Variants in S100A8 observed in about 807,000 individuals in gnomAD.
S100A8 encodes the protein S100 calcium binding protein A8.
S100A8 carries 1 observed loss-of-function variant against 4.2 expected under a neutral mutation model. The observed-to-expected ratio is 0.24, with a 90% CI of 0.08 to 1.12. S100A8 has a LOEUF of 1.12. Among genes scored for constraint, S100A8 ranks in the 50% most tolerant of loss-of-function variants. The pLI is 0.53. For synonymous variants in S100A8, 41 were observed against 44.7 expected, an observed-to-expected ratio of 0.92 and a Z score of 0.33; for missense variants, 96 against 111.8, an observed-to-expected ratio of 0.86 and a Z score of 0.64.
chr1:153,406,539 C>T, the S100A8 span, among the ~76,000 whole-genome samples: 4 of 152,320 alleles, frequency 2.6e-5, no homozygotes, highest in Admixed American at 2.0e-4. Flanking sequence ...GACACCTGCA[C>T]ACCCAGAACA....
At chr1:153,405,954 C>T in the S100A8 span, among the ~76,000 whole-genome samples, 1 of 152,212 alleles carries the variant, frequency 6.6e-6, no homozygotes, top group Non-Finnish European at 1.5e-5. Flanking sequence ...GCTCCCCCAA[C>T]TGCTGCACGA....
At chr1:153,412,935 G>A in the S100A8 span, among the ~76,000 whole-genome samples, 3 of 152,184 alleles carry the variant, frequency 2.0e-5, no homozygotes, top group Non-Finnish European at 2.9e-5. Flanking sequence ...ATTGAACAAT[G>A]AGAACACCTG....
At chr1:153,411,067 T>A in the S100A8 span, among the ~76,000 whole-genome samples, 91 of 152,190 alleles carry the variant, frequency 6.0e-4, no homozygotes, top group African/African-American at 2.2e-3. Flanking sequence ...TGAAAACTGG[T>A]GCAAGACAGG....
At chr1:153,406,360 G>A in the S100A8 span, among the ~76,000 whole-genome samples, 2 of 152,080 alleles carry the variant, frequency 1.3e-5, no homozygotes, top group Non-Finnish European at 2.9e-5. Context: ...TCTGCCTGGA[G>A]AAGGCTTCAC....
the S100A8 span, among the ~76,000 whole-genome samples, chr1:153,399,870 C>T: frequency 2.0e-5 from 3 of 152,174 alleles, no homozygotes; most frequent in Non-Finnish European, 2.9e-5. Context: ...CAGGCAAAGG[C>T]CCGGGGCTGT....
At chr1:153,418,406 T>C in the S100A8 span, among the ~76,000 whole-genome samples, 1 of 152,170 alleles carries the variant, frequency 6.6e-6, no homozygotes, top group African/African-American at 2.4e-5. Context: ...AGTATGAAAA[T>C]GGGAAAGAGT....
chr1:153,396,379 C>T, the S100A8 span, among the ~76,000 whole-genome samples: 11 of 152,370 alleles, frequency 7.2e-5, no homozygotes, highest in South Asian at 2.3e-3. Context: ...AAGCCCAGAA[C>T]CATATACTGA....
the S100A8 span, among the ~76,000 whole-genome samples, chr1:153,410,201 T>G: frequency 3.9e-5 from 6 of 152,102 alleles, no homozygotes. Flanking sequence ...GCTGGTTTTT[T>G]GAAAAGATTA....
At chr1:153,413,239 G>A in the S100A8 span, among the ~76,000 whole-genome samples, 2 of 152,066 alleles carry the variant, frequency 1.3e-5, no homozygotes, top group Non-Finnish European at 1.5e-5. Context: ...CTATGGTCAG[G>A]CACAAATTTA....
chr1:153,404,173 G>A, the S100A8 span, among the ~76,000 whole-genome samples: 1 of 152,150 alleles, frequency 6.6e-6, no homozygotes, highest in South Asian at 2.1e-4. Flanking sequence ...CACTCCAGGA[G>A]CCCACCCTTC....
chr1:153,422,467 A>C, the S100A8 span: 12 of 958,556 alleles, frequency 1.3e-5, no homozygotes, highest in Non-Finnish European at 1.5e-5. Context: ...ACTGGACATT[A>C]TATTGGTACT....
chr1:153,411,977 T>C, the S100A8 span, among the ~76,000 whole-genome samples: 1 of 152,288 alleles, frequency 6.6e-6, no homozygotes, highest in South Asian at 2.1e-4. Context: ...TACACAAAAA[T>C]TAAATCAAGA....
the S100A8 span, among the ~76,000 whole-genome samples, chr1:153,415,819 G>C: frequency 6.6e-6 from 1 of 152,170 alleles, no homozygotes; most frequent in African/African-American, 2.4e-5. Context: ...CCAATGGTTA[G>C]CAATGAAGTA....
the S100A8 span, among the ~76,000 whole-genome samples, chr1:153,398,934 G>A: frequency 1.1e-4 from 17 of 152,230 alleles, no homozygotes; most frequent in Middle Eastern, 6.8e-3. Context: ...TCCTACACCC[G>A]CCTTGGGCCA....
chr1:153,404,968 C>T, the S100A8 span, among the ~76,000 whole-genome samples: 2 of 152,014 alleles, frequency 1.3e-5, no homozygotes, highest in African/African-American at 4.8e-5. Flanking sequence ...ATTCTCTGCA[C>T]TCAGGGCCAG....
At chr1:153,403,786 CT>C in the S100A8 span, among the ~76,000 whole-genome samples, 1 of 152,146 alleles carries the variant, frequency 6.6e-6, no homozygotes, top group Admixed American at 6.5e-5. Flanking sequence ...GTTATATTTC[CT>C]TTTTTTAAAA....
the S100A8 span, among the ~76,000 whole-genome samples, chr1:153,414,607 G>A: frequency 1.3e-5 from 2 of 152,178 alleles, no homozygotes; most frequent in East Asian, 3.8e-4. Context: ...AACACTGACA[G>A]CACCAAATGC....
chr1:153,416,236 C>A, the S100A8 span, among the ~76,000 whole-genome samples: 2 of 152,304 alleles, frequency 1.3e-5, no homozygotes, highest in Non-Finnish European at 2.9e-5. Context: ...AGGCCCAGTG[C>A]TCTTTTCTCC....
chr1:153,408,257 A>C, the S100A8 span, among the ~76,000 whole-genome samples: 1 of 152,234 alleles, frequency 6.6e-6, no homozygotes, highest in Non-Finnish European at 1.5e-5. Flanking sequence ...GCTAACTAGA[A>C]TAGACAGCAT....
Sources: gnomAD v4.1 joint callset for allele counts (sites outside exome capture counted in the v4.1 genomes callset) on GRCh38, gnomAD v4.1.1 for gene constraint, MANE v1.5 for transcripts, NCBI Gene and HGNC (gene_info 2026-07-23, HGNC 2026-07-21) for gene names.